Variants in KLHL3 observed in about 807,000 individuals in gnomAD.
The protein encoded by KLHL3 is kelch like family member 3, also known as kelch-like protein 3.
Under a neutral mutation model 70.5 loss-of-function variants are expected in KLHL3, and 19 were observed. The observed-to-expected ratio is 0.27, with a 90% confidence interval of 0.19 to 0.40. The LOEUF is 0.40. Among genes scored for constraint, KLHL3 ranks in the 10% least tolerant of loss-of-function variants. KLHL3 has a pLI of 1.00. For synonymous variants in KLHL3, 258 were observed against 290.3 expected (o/e 0.89, Z 1.13); for missense variants, 512 against 771.1 (o/e 0.66, Z 3.98).
Position 137,677,601 on chromosome 5 carries a change from C to T in KLHL3, c.580G>A (p.Asp194Asn). 1 of 1,610,724 alleles carries T rather than the reference C, an allele frequency of 6.2e-7. No individual in the cohort carries two copies. Among genetic ancestry groups the T allele is most frequent in the Non-Finnish European group, 8.5e-7 (1 of 1,178,520 alleles). ...CTGGATATCAAGCTGCACACCTGGT[C>T]CAGACTCAGGCTAAGAAATTCTTCT... ...LGEEFLSLSL[D>N]QVCSLISSDK... Residue 194 changes from aspartate to asparagine, a missense_variant, in exon 6 of 15, where the codon GAC becomes AAC. Asp to Asn is a conservative substitution (Grantham distance 23, BLOSUM62 1). Coordinates refer to ENST00000309755, the MANE Select transcript of KLHL3 (RefSeq NM_017415.3).
chr5:137,640,653 T>G (rs1282866138), intron 8 of KLHL3, among the ~76,000 whole-genome samples: 1 of 152,128 alleles, frequency 6.6e-6, no homozygotes, highest in Non-Finnish European at 1.5e-5. Context: ...AGAACACATG[T>G]AAGTGGCCCA....
intron 13 of KLHL3, chr5:137,627,910 G>T: frequency 5.4e-6 from 1 of 184,184 alleles, no homozygotes; most frequent in Non-Finnish European, 1.1e-5. Flanking sequence ...CACTGGCAAA[G>T]AAAAGATAGA....
chr5:137,722,921 G>A (rs1413414027), intron 1 of KLHL3, among the ~76,000 whole-genome samples: 4 of 152,126 alleles, frequency 2.6e-5, no homozygotes, highest in African/African-American at 7.2e-5. Context: ...TGCTCACTCC[G>A]GCCTCCCAAA....
intron 5 of KLHL3, among the ~76,000 whole-genome samples, chr5:137,691,730 C>T (rs1752327260): frequency 1.3e-5 from 2 of 152,100 alleles, no homozygotes; most frequent in South Asian, 4.2e-4. Context: ...CCTGCCTCAG[C>T]CTCCCAAGTA....
At chr5:137,666,831 C>G (rs1561597822) in intron 6 of KLHL3, among the ~76,000 whole-genome samples, 1 of 152,114 alleles carries the variant, frequency 6.6e-6, no homozygotes, top group Non-Finnish European at 1.5e-5. Flanking sequence ...AAATGGTTCC[C>G]AATAACCCTT....
At chr5:137,643,435 G>T (rs1387523955) in intron 8 of KLHL3, among the ~76,000 whole-genome samples, 1 of 151,944 alleles carries the variant, frequency 6.6e-6, no homozygotes, top group African/African-American at 2.4e-5. Context: ...ACTGGTAAGA[G>T]ATAACTTTAA....
intron 13 of KLHL3, chr5:137,628,077 G>A (rs1239037231): frequency 1.2e-5 from 7 of 567,416 alleles, no homozygotes; most frequent in South Asian, 6.1e-5. Context: ...GCGGGGAAAG[G>A]GGATCCTCTG....
rs930860838 is a variant in KLHL3 at position 137,621,668 on chromosome 5, C to G, written c.*430G>C. On this transcript the variant is annotated 3_prime_UTR_variant, in exon 15 of 15. Transcript: ENST00000309755. ...TGGGACAAATCCAGAAGAGAGGTCT[C>G]TGTGACTTGATTTTTAACACAGCGA... 1 of 168,808 alleles carries G rather than the reference C, an allele frequency of 5.9e-6. No individual in the cohort carries two copies. Among genetic ancestry groups the G allele is most frequent in the African/African-American group, 2.4e-5 (1 of 42,026 alleles). 10.5% of individuals were successfully genotyped at this position (168,808 alleles called of 1,614,324 possible). A position where few individuals can be genotyped will look rare whatever the true frequency, so the allele number is the denominator to read the frequency against.
intron 8 of KLHL3, among the ~76,000 whole-genome samples, chr5:137,649,946 A>C (rs2149891457): frequency 1.3e-5 from 2 of 152,326 alleles, no homozygotes; most frequent in Middle Eastern, 6.8e-3. Context: ...AGTCTTACTC[A>C]ATCTCACCGA....
intron 3 of KLHL3, among the ~76,000 whole-genome samples, chr5:137,698,855 A>G (rs1233103602): frequency 2.0e-5 from 3 of 152,232 alleles, no homozygotes; most frequent in Non-Finnish European, 2.9e-5. Flanking sequence ...TGATAACAAC[A>G]ATAATAAGTA....
chr5:137,672,362 ATCCTG>A (rs1751780798), intron 6 of KLHL3, among the ~76,000 whole-genome samples: 1 of 152,210 alleles, frequency 6.6e-6, no homozygotes, highest in African/African-American at 2.4e-5. Context: ...AACACCAATG[ATCCTG>A]GGAGACAAGG....
At chr5:137,726,404 G>C (rs933116145) in intron 1 of KLHL3, among the ~76,000 whole-genome samples, 1 of 152,074 alleles carries the variant, frequency 6.6e-6, no homozygotes, top group Non-Finnish European at 1.5e-5. Context: ...TATGTGCCAA[G>C]CAGATGAACC....
intron 3 of KLHL3, among the ~76,000 whole-genome samples, chr5:137,698,890 CCA>C (rs1356713056): frequency 4.6e-5 from 7 of 152,142 alleles, no homozygotes; most frequent in Non-Finnish European, 8.8e-5. Flanking sequence ...CTAACTATGG[CCA>C]CACACTTAAG....
In KLHL3 at chr5:137,625,908, A is replaced by G. The variant is rs1235196830; in HGVS notation, c.1592-12T>C. 6.2e-7 allele frequency: 1 copy of G among 1,614,142 alleles called. No individual in the cohort carries two copies. The highest frequency in any genetic ancestry group is 8.5e-7 in the Non-Finnish European group (1 of 1,180,010). On this transcript the variant is annotated splice_polypyrimidine_tract_variant and intron_variant, in intron 13 of 14. Transcript: ENST00000309755. ...TACTGCACAGACCCCTGTGAGTCAA[A>G]CAAAAGCCATGGGAGACATCACAGC...
chr5:137,670,977 A>G (rs1389142651), intron 6 of KLHL3, among the ~76,000 whole-genome samples: 10 of 151,680 alleles, frequency 6.6e-5, no homozygotes, highest in Admixed American at 5.9e-4. Flanking sequence ...ACCTCAAAAA[A>G]AAAAAAAAAC....
chr5:137,733,498 C>T (rs56340262), intron 1 of KLHL3, among the ~76,000 whole-genome samples: 35,885 of 152,072 alleles, frequency 0.24, 4,545 homozygotes, highest in African/African-American at 0.32. Flanking sequence ...GTCTCCAAGT[C>T]TGGGGACTGC....
intron 1 of KLHL3, among the ~76,000 whole-genome samples, chr5:137,726,967 C>T (rs993794999): frequency 6.6e-6 from 1 of 151,746 alleles, no homozygotes; most frequent in Non-Finnish European, 1.5e-5. Context: ...AAAATTAGGC[C>T]CTCTTTTAGC....
In KLHL3 at chr5:137,692,194, C is replaced by A. The variant is rs78261940; in HGVS notation, c.526+91G>T. 1.9e-3 allele frequency: 2,222 copies of A among 1,139,796 alleles called. 41 individuals carry two copies. In the African/African-American group the frequency reaches 0.03, roughly 15 times the overall value. The allele number at this position is 1,139,796 out of a possible 1,614,324, so 70.6% of individuals were successfully genotyped here. A position where few individuals can be genotyped will look rare whatever the true frequency, so the allele number is the denominator to read the frequency against. ...AATCATAGCTGCTTCACAGCAGAGA[C>A]CACTTCTCATAATCTTTGAGGAGTC... On this transcript the variant is annotated intron_variant, in intron 5 of 14. Coordinates refer to ENST00000309755, the MANE Select transcript of KLHL3 (RefSeq NM_017415.3).
chr5:137,648,446 T>A (rs763880674), intron 8 of KLHL3, among the ~76,000 whole-genome samples: 13 of 152,220 alleles, frequency 8.5e-5, no homozygotes, highest in Non-Finnish European at 1.0e-4. Context: ...GTTCAGTACA[T>A]TTCCAAAAGG....
Sources: gnomAD v4.1 joint callset for allele counts (sites outside exome capture counted in the v4.1 genomes callset) on GRCh38, gnomAD v4.1.1 for gene constraint, MANE v1.5 for transcripts, NCBI Gene and HGNC (gene_info 2026-07-23, HGNC 2026-07-21) for gene names.